The following GPR35 variants were observed in gnomAD, a reference collection of about 807,000 sequenced individuals.
GPR35 encodes KYNA receptor.
For synonymous variants in GPR35, 207 were observed against 198.4 expected, an observed-to-expected ratio of 1.04 and a Z score of -0.36; for missense variants, 372 against 422.5, an observed-to-expected ratio of 0.88 and a Z score of 1.05.
Position 240,630,075 on chromosome 2 carries a change from G to T in GPR35, c.123G>T (p.Ala41=). ...LVLGLLLNSL[A]LWVFCCRMQQ... is the part of the protein sequence containing the mutation. Reference sequence around the variant, plus strand: ...TAGGCCTGCTGCTCAACAGCCTGGCGCTCTGGGTGTTCTGCTGCCGCATGC... The same window carrying T: ...TAGGCCTGCTGCTCAACAGCCTGGCTCTCTGGGTGTTCTGCTGCCGCATGC... Residue 41 remains alanine (A), a synonymous_variant, in exon 2 of 2, where the codon GCG becomes GCT. Transcript: ENST00000407714. 6.2e-7 allele frequency: 1 copy of T among 1,611,426 alleles called. No individual in the cohort carries two copies.
intron 2 of GPR35, among the ~76,000 whole-genome samples, chr2:240,615,424 C>T (rs554829745): frequency 2.6e-5 from 4 of 152,364 alleles, no homozygotes; most frequent in Admixed American, 2.0e-4. Flanking sequence ...AAGGCCACAA[C>T]ACACTCCCAC....
exon 2 of GPR35, chr2:240,606,572 A>G (rs2043136490): frequency 6.6e-6 from 1 of 152,220 alleles, no homozygotes. Context: ...CCCTGCCCCC[A>G]TGGCATGCAT....
intron 2 of GPR35, among the ~76,000 whole-genome samples, chr2:240,609,730 A>G (rs1034010575): frequency 6.6e-6 from 1 of 152,182 alleles, no homozygotes; most frequent in Non-Finnish European, 1.5e-5. Flanking sequence ...AGTTTGGATA[A>G]GATGATTGGT....
intron 1 of GPR35, chr2:240,627,948 A>T (rs186490501): frequency 6.6e-6 from 1 of 152,202 alleles, no homozygotes; most frequent in Non-Finnish European, 1.5e-5. Flanking sequence ...ACCTCCCACG[A>T]GGCAGGGTCC....
chr2:240,616,542 T>C (rs1408134388), intron 3 of GPR35: 1 of 774,230 alleles, frequency 1.3e-6, no homozygotes, highest in Non-Finnish European at 2.4e-6. Flanking sequence ...ACAAGCCCAC[T>C]TCATCAGCAG....
chr2:240,612,836 T>C (rs2043196959), intron 2 of GPR35, among the ~76,000 whole-genome samples: 1 of 152,166 alleles, frequency 6.6e-6, no homozygotes, highest in Non-Finnish European at 1.5e-5. Flanking sequence ...ACCGTGGCCA[T>C]GGGTGGGATC....
chr2:240,610,298 T>G (rs2043170480), intron 2 of GPR35, among the ~76,000 whole-genome samples: 1 of 152,210 alleles, frequency 6.6e-6, no homozygotes, highest in East Asian at 1.9e-4. Flanking sequence ...TTCCCTATAC[T>G]AAAGTCTACT....
At chr2:240,617,330 C>T (rs934560806) in exon 4 of GPR35, 46 of 695,258 alleles carry the variant, frequency 6.6e-5, no homozygotes, top group Admixed American at 3.5e-4. Context: ...TGGCAGAGCC[C>T]GAATTCCTGA....
At position 240,619,370 on chromosome 2, in the gene GPR35, C is replaced by A. The variant is rs560982402; in HGVS notation, c.-5+339C>A. On this transcript the variant is annotated intron_variant, in intron 5 of 5. Transcript: ENST00000319838. ...CATCTCCTCTGTGAGCGTCTACTCC[C>A]ATCTCTATCAGCAGGCGTCTTGCCT... is the stretch of plus-strand genomic sequence containing the variant. Among the ~76,000 whole-genome samples, 10 of 152,340 alleles carry A rather than the reference C, an allele frequency of 6.6e-5. No homozygotes were observed. In the South Asian group the frequency reaches 1.7e-3, roughly 25 times the overall value.
Position 240,632,046 on chromosome 2 carries a change from CCCATGCCCAGGAAGGT to C in GPR35, c.*1177_*1192del, listed in dbSNP as rs1242144300. 5.4e-5 allele frequency among the ~76,000 whole-genome samples: 3 copies of C among 55,994 alleles called. No homozygotes were observed. Among genetic ancestry groups the C allele is most frequent in the Admixed American group, 3.2e-4 (2 of 6,266 alleles). The allele number at this position is 55,994 out of a possible 152,430, so 36.7% of individuals were successfully genotyped here. ...CTAAAAGGGTGCATGCCCAGGTGGG[CCCATGCCCAGGAAGGT>C]CCATGCCCAGGATGGTCCATGAGCA... is the stretch of plus-strand genomic sequence containing the variant. On this transcript the variant is annotated 3_prime_UTR_variant, in exon 2 of 2. Transcript: ENST00000407714.
intron 4 of GPR35, chr2:240,617,444 T>C (rs539821556): frequency 3.5e-6 from 2 of 575,920 alleles, no homozygotes; most frequent in African/African-American, 3.7e-5. Flanking sequence ...GCTAAAATAA[T>C]AGATAATTAA....
In GPR35 at chr2:240,630,503, T is replaced by A; in HGVS notation, c.551T>A (p.Leu184Gln). The A allele has an allele frequency of 6.2e-7, 1 of 1,612,940 alleles. No individual in the cohort carries two copies. The highest frequency in any genetic ancestry group is 8.5e-7 in the Non-Finnish European group (1 of 1,179,958). Residue 184 changes from leucine (L) to glutamine (Q), a missense_variant, in exon 2 of 2, where the codon CTG becomes CAG. Transcript: ENST00000407714. Reference protein sequence around the residue: ...AFPLLGFYLPLAVVVFCSLKV... With the variant: ...AFPLLGFYLPQAVVVFCSLKV... ...CCGCTGCTGGGATTCTACCTGCCCCTGGCCGTGGTGGTCTTCTGCTCCCTG... is the reference window on the plus strand; with the variant it reads ...CCGCTGCTGGGATTCTACCTGCCCCAGGCCGTGGTGGTCTTCTGCTCCCTG...
chr2:240,617,092 A>C (rs2043247254), exon 4 of GPR35: 2 of 702,458 alleles, frequency 2.8e-6, no homozygotes, highest in Non-Finnish European at 5.2e-6. Flanking sequence ...ACCAACAGCC[A>C]CCTGGGGGAG....
At chr2:240,618,059 C>T (rs777708097) in intron 4 of GPR35, among the ~76,000 whole-genome samples, 1 of 151,832 alleles carries the variant, frequency 6.6e-6, no homozygotes, top group Admixed American at 6.6e-5. Flanking sequence ...TGTCAGTGGA[C>T]AGAACTAAGG....
intron 2 of GPR35, among the ~76,000 whole-genome samples, chr2:240,615,319 G>A (rs1002665763): frequency 4.6e-5 from 7 of 152,216 alleles, no homozygotes; most frequent in Middle Eastern, 3.4e-3. Flanking sequence ...TCCCTTCTCC[G>A]TCTGTTTCCC....
chr2:240,623,128 A>C (rs970184397), upstream of GPR35, among the ~76,000 whole-genome samples: 1 of 152,214 alleles, frequency 6.6e-6, no homozygotes, highest in Non-Finnish European at 1.5e-5. Flanking sequence ...CCGCGGCCGG[A>C]GTCGCTGTGG....
chr2:240,613,247 G>T (rs938519671), intron 2 of GPR35, among the ~76,000 whole-genome samples: 1 of 152,144 alleles, frequency 6.6e-6, no homozygotes, highest in Non-Finnish European at 1.5e-5. Context: ...CACTGACCAG[G>T]CCTTCAAGAT....
intron 5 of GPR35, among the ~76,000 whole-genome samples, chr2:240,619,371 A>G (rs2043268991): frequency 6.6e-6 from 1 of 152,178 alleles, no homozygotes; most frequent in Non-Finnish European, 1.5e-5. Context: ...GTCTACTCCC[A>G]TCTCTATCAG....
At position 240,630,140 on chromosome 2, in the gene GPR35, C is replaced by T. The variant is rs552926336; in HGVS notation, c.188C>T (p.Ala63Val). ...ACCCGCATCTACATGACCAACCTGG[C>T]GGTGGCCGACCTCTGCCTGCTGTGC... ...TETRIYMTNL[A>V]VADLCLLCTL... The change falls in exon 2 of 2, where the codon GCG (alanine) becomes GTG (valine). Residue 63 changes from alanine (A) to valine (V), a missense_variant. Coordinates refer to ENST00000407714, the MANE Select transcript of GPR35 (RefSeq NM_005301.5). 81 of 1,601,970 alleles carry T rather than the reference C, an allele frequency of 5.1e-5. No homozygotes were observed. Among genetic ancestry groups the T allele is most frequent in the African/African-American group, 3.5e-4 (26 of 75,014 alleles).
Sources: gnomAD v4.1 joint callset for allele counts (sites outside exome capture counted in the v4.1 genomes callset) on GRCh38, gnomAD v4.1.1 for gene constraint, MANE v1.5 for transcripts, NCBI Gene and HGNC (gene_info 2026-07-23, HGNC 2026-07-21) for gene names.